ARMC9: variants seen among roughly 807,000 people sequenced by gnomAD.
ARMC9 encodes armadillo repeat containing 9, also known as lisH domain-containing protein ARMC9.
ARMC9 carries 94 observed loss-of-function variants against 107.0 expected under a neutral mutation model. The observed-to-expected ratio is 0.88, with a 90% CI of 0.74 to 1.04. ARMC9 has a LOEUF of 1.04. Among genes scored for constraint, ARMC9 ranks in the 50% least tolerant of loss-of-function variants. The pLI, the probability that ARMC9 is intolerant of heterozygous loss-of-function variation, is 0.00. For synonymous variants in ARMC9, 380 were observed against 396.9 expected (o/e 0.96, Z 0.51); for missense variants, 942 against 1,030.1 (o/e 0.91, Z 1.17).
At chr2:231,369,588 C>T (rs1389450620) in intron 23 of ARMC9, among the ~76,000 whole-genome samples, 1 of 143,914 alleles carries the variant, frequency 6.9e-6, no homozygotes, top group East Asian at 2.0e-4. Flanking sequence ...CCACCATGCT[C>T]AGCCAGTTTC....
At chr2:231,262,264 A>G (rs369832109) in intron 11 of ARMC9, 42 bp from the exon 12 acceptor site, 86 of 1,591,552 alleles carry the variant, frequency 5.4e-5, no homozygotes, top group Non-Finnish European at 6.8e-5. Flanking sequence ...TTTCTCCATG[A>G]TAAGACTTAG....
intron 17 of ARMC9, among the ~76,000 whole-genome samples, chr2:231,285,731 T>C (rs987154287): frequency 6.6e-6 from 1 of 152,174 alleles, no homozygotes; most frequent in Non-Finnish European, 1.5e-5. Context: ...AACCCCCTTT[T>C]AGCCTGAGAA....
intron 22 of ARMC9, among the ~76,000 whole-genome samples, chr2:231,357,748 A>G (rs1056777884): frequency 2.0e-5 from 3 of 151,974 alleles, no homozygotes; most frequent in African/African-American, 7.3e-5. Flanking sequence ...GTGGTTTTCT[A>G]TTTTTTGTAA....
At chr2:231,356,017 C>A in intron 22 of ARMC9, 83 bp downstream of exon 22, 1 of 1,450,322 alleles carries the variant, frequency 6.9e-7, no homozygotes, top group Non-Finnish European at 9.2e-7. Context: ...GAGTGGCAGA[C>A]GCACGTCTGC....
At chr2:231,244,430 G>T (rs2036577471) in intron 9 of ARMC9, among the ~76,000 whole-genome samples, 1 of 148,990 alleles carries the variant, frequency 6.7e-6, no homozygotes, top group Admixed American at 6.8e-5. Flanking sequence ...GCATTGGCAC[G>T]ATCAGGGCCT....
intron 20 of ARMC9, among the ~76,000 whole-genome samples, chr2:231,338,857 T>C (rs535383137): frequency 1.3e-3 from 191 of 152,278 alleles, no homozygotes; most frequent in African/African-American, 4.4e-3. Context: ...CATAAAAATG[T>C]AATGTTTCTG....
At chr2:231,212,522 C>T (rs1386557179) in intron 3 of ARMC9, among the ~76,000 whole-genome samples, 1 of 151,772 alleles carries the variant, frequency 6.6e-6, no homozygotes, top group Non-Finnish European at 1.5e-5. Context: ...TCACAAGAGT[C>T]TGCGCTCACC....
At chr2:231,222,312 G>A (rs1467560702) in intron 5 of ARMC9, among the ~76,000 whole-genome samples, 1 of 152,144 alleles carries the variant, frequency 6.6e-6, no homozygotes, top group Admixed American at 6.5e-5. Flanking sequence ...CGAGGTTTGT[G>A]GAAATGAGTC....
At chr2:231,364,991 T>G (rs1263933611) in intron 23 of ARMC9, among the ~76,000 whole-genome samples, 1 of 151,808 alleles carries the variant, frequency 6.6e-6, no homozygotes, top group Non-Finnish European at 1.5e-5. Context: ...CAGTGGGAGG[T>G]GGGGTGGACG....
Position 231,375,195 on chromosome 2 carries a change from G to C in ARMC9, c.*3660G>C, listed in dbSNP as rs1191336842. 6.6e-6 allele frequency among the ~76,000 whole-genome samples: 1 copy of C among 152,226 alleles called. No homozygotes were observed. The highest frequency in any genetic ancestry group is 1.9e-4 in the East Asian group (1 of 5,202). ...TGAACTCAACTATGTCTTATGGTCA[G>C]AGGGCAGTCAGGGGCTTCGCTCATG... On this transcript the variant is annotated 3_prime_UTR_variant, in exon 25 of 25. Coordinates refer to ENST00000611582, the MANE Select transcript of ARMC9 (RefSeq NM_001352754.2). This position sits in a 1 kb window ranked among gnomAD's most constrained non-coding sequence, Gnocchi z 4.3.
intron 1 of ARMC9, among the ~76,000 whole-genome samples, chr2:231,205,969 C>A (rs2031923447): frequency 6.6e-6 from 1 of 152,202 alleles, no homozygotes; most frequent in Non-Finnish European, 1.5e-5. Context: ...GCCTTGGGCC[C>A]ACCTGGGTAA....
At chr2:231,347,316 T>C (rs1370589044) in intron 21 of ARMC9, among the ~76,000 whole-genome samples, 1 of 152,168 alleles carries the variant, frequency 6.6e-6, no homozygotes, top group Admixed American at 6.6e-5. Context: ...TTATCACTTC[T>C]CTGCCATATG....
chr2:231,361,683 G>A (rs1186948295), intron 23 of ARMC9, among the ~76,000 whole-genome samples: 3 of 152,050 alleles, frequency 2.0e-5, no homozygotes, highest in Admixed American at 6.6e-5. Flanking sequence ...GACCCTGCCT[G>A]TCCCTGACCA....
At chr2:231,263,991 A>G (rs6752177) in intron 12 of ARMC9, among the ~76,000 whole-genome samples, 3,053 of 152,308 alleles carry the variant, frequency 0.02, 105 homozygotes, top group African/African-American at 0.071. Flanking sequence ...CTGACAGTCA[A>G]TGGCATTTTA....
At chr2:231,335,262 G>T (rs548587818) in intron 20 of ARMC9, among the ~76,000 whole-genome samples, 1 of 152,300 alleles carries the variant, frequency 6.6e-6, no homozygotes, top group South Asian at 2.1e-4. Flanking sequence ...ACTGAATCTG[G>T]GTTAAGGATA....
rs762878638 is a variant in ARMC9, at chr2:231,360,908, G to A, written c.2261+25G>A. 9.4e-6 allele frequency: 14 copies of A among 1,494,670 alleles called. No homozygotes were observed. The highest frequency in any genetic ancestry group is 1.8e-4 in the Middle Eastern group (1 of 5,696). 92.6% of individuals were successfully genotyped at this position (1,494,670 alleles called of 1,614,324 possible). A position where few individuals can be genotyped will look rare whatever the true frequency, so the allele number is the denominator to read the frequency against. On this transcript the variant is annotated intron_variant, in intron 23 of 24. Coordinates refer to ENST00000611582, the MANE Select transcript of ARMC9 (RefSeq NM_001352754.2). This position sits in a 1 kb window ranked among gnomAD's most constrained non-coding sequence, Gnocchi z 4.7. ...GGTAAGGGGGATATCACAAGGCCTC[G>A]AACCTGACTCTCGGAGCTCTGGGAG... is the stretch of plus-strand genomic sequence containing the variant.
At chr2:231,371,404 G>C in intron 24 of ARMC9, 109 bp from the exon 25 acceptor site, 1 of 1,269,228 alleles carries the variant, frequency 7.9e-7, no homozygotes, top group East Asian at 2.8e-5. Context: ...CTGGGAGAGG[G>C]AAGGTTCCCT....
At chr2:231,366,651 G>A (rs556517399) in intron 23 of ARMC9, among the ~76,000 whole-genome samples, 55 of 151,948 alleles carry the variant, frequency 3.6e-4, no homozygotes, top group African/African-American at 1.3e-3. Context: ...GACCATCCTG[G>A]CCAACATGGT....
At chr2:231,288,594 G>T (rs939389989) in intron 17 of ARMC9, 2 of 471,004 alleles carry the variant, frequency 4.2e-6, no homozygotes, top group African/African-American at 4.0e-5. Context: ...TAGTTGTTCT[G>T]TGTAGTGTTC....
Sources: allele counts gnomAD v4.1 joint callset (sites outside exome capture counted in the v4.1 genomes callset), GRCh38; gene constraint gnomAD v4.1.1; non-coding constraint Gnocchi (gnomAD v3.1); transcripts MANE v1.5; gene names NCBI Gene and HGNC (gene_info 2026-07-23, HGNC 2026-07-21).